Variants in CRBN observed in about 807,000 individuals in gnomAD.
The protein encoded by CRBN is cereblon.
Under a neutral mutation model 62.2 loss-of-function variants are expected in CRBN, and 53 were observed. The observed-to-expected ratio is 0.85, with a 90% CI of 0.68 to 1.07. The LOEUF (loss-of-function observed/expected upper bound fraction) is 1.07, where lower values mean the gene tolerates loss of function less well. Among genes scored for constraint, CRBN ranks in the 50% least tolerant of loss-of-function variants. The pLI is 0.00. For synonymous variants in CRBN, 208 were observed against 176.1 expected (o/e 1.18, Z -1.43); for missense variants, 616 against 531.1 (o/e 1.16, Z -1.57).
At chr3:3,172,980 T>A (rs1333520433) in intron 3 of CRBN, 55 bp from the exon 4 acceptor site, 5 of 1,369,964 alleles carry the variant, frequency 3.6e-6, no homozygotes, top group Middle Eastern at 1.8e-4. Flanking sequence ...TTTAAATATA[T>A]GCAAAGTAGG....
intron 4 of CRBN, among the ~76,000 whole-genome samples, chr3:3,171,030 C>G (rs1431873915): frequency 6.6e-6 from 1 of 152,160 alleles, no homozygotes; most frequent in Non-Finnish European, 1.5e-5. Context: ...ATCTCAAACT[C>G]GTGAGCTCAG....
intron 10 of CRBN, among the ~76,000 whole-genome samples, chr3:3,151,871 G>A (rs1706581338): frequency 6.6e-6 from 1 of 152,072 alleles, no homozygotes; most frequent in African/African-American, 2.4e-5. Context: ...GGATTCAATG[G>A]GTTCTGCACC....
At position 3,151,026 on chromosome 3, in the gene CRBN, G is replaced by T. The variant is rs781369096; in HGVS notation, c.1168C>A (p.Gln390Lys). 2 of 1,613,682 alleles carry T rather than the reference G, an allele frequency of 1.2e-6. No individual in the cohort carries two copies. Among genetic ancestry groups the T allele is most frequent in the Middle Eastern group, 1.7e-4 (1 of 6,058 alleles). Residue 390 changes from glutamine (Q) to lysine (K), a missense_variant, in exon 11 of 11, where the codon CAG becomes AAG. Gln to Lys is a moderately conservative substitution (Grantham distance 53, BLOSUM62 1). Coordinates refer to ENST00000231948, the MANE Select transcript of CRBN (RefSeq NM_016302.4). Reference protein sequence around the residue: ...WFPGYAWTVAQCKICASHIGW... With the variant: ...WFPGYAWTVAKCKICASHIGW... ...ATATGGCTTGCACAGATCTTACACT[G>T]GGCAACAGTCCAGGCATACCTAAGA...
chr3:3,151,283 T>C (rs1407340338), intron 10 of CRBN, among the ~76,000 whole-genome samples: 3 of 152,218 alleles, frequency 2.0e-5, no homozygotes, highest in Non-Finnish European at 4.4e-5. Context: ...TTCTACTGCA[T>C]AGAAATAAAG....
At chr3:3,173,564 G>C (rs901637322) in intron 3 of CRBN, among the ~76,000 whole-genome samples, 8 of 152,042 alleles carry the variant, frequency 5.3e-5, no homozygotes, top group Non-Finnish European at 1.2e-4. Context: ...ACTGTACTGG[G>C]GTGGGAGCTT....
rs1706471671 is a variant in CRBN at position 3,150,733 on chromosome 3, C to T, written c.*132G>A. The T allele has an allele frequency of 1.1e-6, 1 of 904,688 alleles. No individual in the cohort carries two copies. Among genetic ancestry groups the T allele is most frequent in the South Asian group, 1.7e-5 (1 of 59,716 alleles). The allele number at this position is 904,688 out of a possible 1,614,324, so 56.0% of individuals were successfully genotyped here. On this transcript the variant is annotated 3_prime_UTR_variant, in exon 11 of 11. Coordinates refer to ENST00000231948, the MANE Select transcript of CRBN (RefSeq NM_016302.4). ...ACAGTTTCACTTAGAAACTGCAACC[C>T]TCCAAGTAATGTTATGTTTACTTAG...
Position 3,171,526 on chromosome 3 carries a change from G to A in CRBN, c.527+1250C>T, listed in dbSNP as rs1379687730. On this transcript the variant is annotated intron_variant, in intron 4 of 10. Coordinates refer to ENST00000231948, the MANE Select transcript of CRBN (RefSeq NM_016302.4). ...GGGAGACGTACATAAAATCCTGTCAGGACAGTGCAATGTGGTAAGGCTATC... is the reference window on the plus strand; with the variant it reads ...GGGAGACGTACATAAAATCCTGTCAAGACAGTGCAATGTGGTAAGGCTATC... 1.4e-4 allele frequency among the ~76,000 whole-genome samples: 21 copies of A among 152,042 alleles called. 1 individual carries two copies. The highest frequency in any genetic ancestry group is 1.4e-3 in the Admixed American group (21 of 15,256).
At chr3:3,177,084 A>G (rs1400882301) in intron 1 of CRBN, among the ~76,000 whole-genome samples, 1 of 152,200 alleles carries the variant, frequency 6.6e-6, no homozygotes, top group Non-Finnish European at 1.5e-5. Context: ...TAAATATCCT[A>G]CAATGCACGA....
intron 4 of CRBN, 137 bp downstream of exon 4, chr3:3,172,639 G>T: frequency 1.1e-6 from 1 of 884,934 alleles, no homozygotes; most frequent in Admixed American, 1.9e-5. Flanking sequence ...GAAACCACTG[G>T]GCTATACCTT....
chr3:3,158,295 T>G (rs773427182), intron 5 of CRBN, among the ~76,000 whole-genome samples: 2 of 152,208 alleles, frequency 1.3e-5, no homozygotes, highest in Non-Finnish European at 2.9e-5. Flanking sequence ...GCGCTCAGCT[T>G]CACTTGCTCG....
chr3:3,153,182 G>T (rs1254404720), intron 9 of CRBN: 4 of 452,106 alleles, frequency 8.8e-6, no homozygotes, highest in South Asian at 2.3e-5. Flanking sequence ...AGGGGGAAAA[G>T]AATTTCTCAG....
intron 5 of CRBN, 102 bp downstream of exon 5, chr3:3,167,532 T>C: frequency 1.8e-6 from 2 of 1,128,404 alleles, no homozygotes; most frequent in Non-Finnish European, 2.6e-6. Flanking sequence ...CCATACAAGG[T>C]GGCTGGGTAA....
chr3:3,171,760 A>G (rs945725309), intron 4 of CRBN, among the ~76,000 whole-genome samples: 2 of 152,110 alleles, frequency 1.3e-5, no homozygotes, highest in Non-Finnish European at 2.9e-5. Context: ...TGCTGCTCAC[A>G]TTGTTTTTTC....
intron 9 of CRBN, 134 bp downstream of exon 9, chr3:3,153,290 C>T: frequency 1.6e-6 from 1 of 627,454 alleles, no homozygotes; most frequent in East Asian, 2.8e-5. Context: ...CAAAAGTGAG[C>T]TAATTCCCTA....
chr3:3,159,933 C>T (rs1167097387), intron 5 of CRBN, among the ~76,000 whole-genome samples: 2 of 152,170 alleles, frequency 1.3e-5, no homozygotes, highest in African/African-American at 4.8e-5. Flanking sequence ...AATATATCAA[C>T]ACCATGATTG....
At position 3,153,561 on chromosome 3, in the gene CRBN, T is replaced by A. The variant is rs1048867153; in HGVS notation, c.952-73A>T. On this transcript the variant is annotated intron_variant, in intron 8 of 10. Transcript: ENST00000231948. ...CTTTATCATGTAATCACATAGATCA[T>A]CAAGAAACTTACTTATAAAGATATT... The A allele has an allele frequency of 4.7e-6, 4 of 846,046 alleles. No individual in the cohort carries two copies. In the African/African-American group the frequency reaches 6.7e-5, roughly 14 times the overall value. The allele number at this position is 846,046 out of a possible 1,614,324, so 52.4% of individuals were successfully genotyped here.
chr3:3,178,431 T>C (rs1707921154), intron 1 of CRBN, among the ~76,000 whole-genome samples: 1 of 149,664 alleles, frequency 6.7e-6, no homozygotes, highest in Admixed American at 6.7e-5. Context: ...AAACTGTTTC[T>C]TGGCAATCCA....
At chr3:3,175,365 A>C in intron 1 of CRBN, 96 bp from the exon 2 acceptor site, 1 of 908,640 alleles carries the variant, frequency 1.1e-6, no homozygotes, top group Non-Finnish European at 1.8e-6. Context: ...TTCTAAAACC[A>C]CATGCATTTG....
chr3:3,167,710 T>C lies in CRBN; in HGVS notation c.611A>G (p.Lys204Arg). The C allele has an allele frequency of 6.2e-7, 1 of 1,613,684 alleles. No homozygotes were observed. The highest frequency in any genetic ancestry group is 8.5e-7 in the Non-Finnish European group (1 of 1,179,668). Residue 204 changes from lysine (K) to arginine (R), a missense_variant, in exon 5 of 11, where the codon AAG (lysine) becomes AGG (arginine). Coordinates refer to ENST00000231948, the MANE Select transcript of CRBN (RefSeq NM_016302.4). ...MSAVQLESLN[K>R]CQIFPSKPVS... is the part of the protein sequence containing the mutation. ...AGGTTTTGAAGGAAATATCTGGCAC[T>C]TATTGAGGGATTCTAATTGAACTGC...
Sources: allele counts gnomAD v4.1 joint callset (sites outside exome capture counted in the v4.1 genomes callset), GRCh38; gene constraint gnomAD v4.1.1; transcripts MANE v1.5; gene names NCBI Gene and HGNC (gene_info 2026-07-23, HGNC 2026-07-21).